Variants in ERC2 observed in about 807,000 individuals in gnomAD.
ERC2 encodes the protein ELKS/RAB6-interacting/CAST family member 2.
Under a neutral mutation model 114.8 loss-of-function variants are expected in ERC2, and 42 were observed. The observed-to-expected ratio is 0.37, with a 90% CI of 0.29 to 0.47. The LOEUF is 0.47. ERC2 is among the 20% of genes least tolerant of loss of function. ERC2 has a pLI of 0.99. For missense variants in ERC2, 939 were observed against 1,150.7 expected, an observed-to-expected ratio of 0.82 and a Z score of 2.66; for synonymous variants, 454 against 425.5, an observed-to-expected ratio of 1.07 and a Z score of -0.82.
intron 14 of ERC2, among the ~76,000 whole-genome samples, chr3:55,853,781 T>C (rs1161723842): frequency 3.9e-5 from 6 of 152,262 alleles, no homozygotes; most frequent in South Asian, 2.1e-4. Flanking sequence ...GCAGTTATTA[T>C]AGAATGAGTG....
rs539339487 is a variant in ERC2, at chr3:56,148,088, T to TCAGA, written c.1305+885_1305+888dup. Among the ~76,000 whole-genome samples, 14 of 152,228 alleles carry TCAGA rather than the reference T, an allele frequency of 9.2e-5. No individual in the cohort carries two copies. The South Asian group carries it at 2.9e-3, about 32-fold the overall frequency. On this transcript the variant is annotated intron_variant, in intron 5 of 17. Coordinates refer to ENST00000288221, the MANE Select transcript of ERC2 (RefSeq NM_015576.3). Reference sequence around the variant, plus strand: ...TGCCTGCCATTCAATGGATACTTAATCAGACAAGGGACTAAGGGCTTTAAA... The same window carrying TCAGA: ...TGCCTGCCATTCAATGGATACTTAATCAGACAGACAAGGGACTAAGGGCTTTAAA...
intron 2 of ERC2, among the ~76,000 whole-genome samples, chr3:56,380,771 T>C (rs1260657348): frequency 6.6e-6 from 1 of 152,224 alleles, no homozygotes; most frequent in Non-Finnish European, 1.5e-5. Flanking sequence ...TGCTACAAGT[T>C]GTAAATTTGT....
intron 9 of ERC2, among the ~76,000 whole-genome samples, chr3:56,008,312 C>T (rs372929420): frequency 1.4e-4 from 22 of 152,246 alleles, no homozygotes; most frequent in African/African-American, 5.3e-4. Context: ...TTCTAAAGCC[C>T]TCTGGGGAAC....
At chr3:56,148,901 T>G in intron 5 of ERC2, 76 bp downstream of exon 5, 2 of 1,346,832 alleles carry the variant, frequency 1.5e-6, no homozygotes, top group Non-Finnish European at 2.1e-6. Context: ...TATGGAGTAT[T>G]TGGAAAAAGT....
chr3:56,258,973 T>C (rs567118593), intron 3 of ERC2, among the ~76,000 whole-genome samples: 301 of 98,396 alleles, frequency 3.1e-3, no homozygotes, highest in African/African-American at 9.2e-3. Context: ...AATTAATTAA[T>C]TAATTTTTTT....
chr3:56,306,539 G>T (rs931018823), intron 2 of ERC2, among the ~76,000 whole-genome samples: 15 of 152,148 alleles, frequency 9.9e-5, no homozygotes, highest in African/African-American at 3.4e-4. Flanking sequence ...AGGTTCAAGG[G>T]CATGATTATC....
At chr3:55,551,384 G>A (rs1319156194) in intron 17 of ERC2, among the ~76,000 whole-genome samples, 3 of 152,058 alleles carry the variant, frequency 2.0e-5, no homozygotes, top group African/African-American at 4.8e-5. Context: ...CTAGCCAGGC[G>A]TGGTTGTGGG....
At chr3:56,072,891 A>AC (rs987644768) in intron 7 of ERC2, among the ~76,000 whole-genome samples, 17 of 151,972 alleles carry the variant, frequency 1.1e-4, no homozygotes, top group Non-Finnish European at 2.2e-4. Flanking sequence ...CCTGACTAGC[A>AC]CCCCCCTAAC....
At chr3:56,238,901 A>AT (rs985312512) in intron 3 of ERC2, among the ~76,000 whole-genome samples, 6 of 152,342 alleles carry the variant, frequency 3.9e-5, no homozygotes, top group African/African-American at 1.4e-4. Flanking sequence ...TTCCAGAGTT[A>AT]TTTCAAGAAG....
At chr3:56,198,562 T>C (rs1489421614) in intron 3 of ERC2, among the ~76,000 whole-genome samples, 4 of 152,108 alleles carry the variant, frequency 2.6e-5, no homozygotes, top group Admixed American at 6.5e-5. Flanking sequence ...GGGTGACTGA[T>C]TTGGAGATAG....
At chr3:55,553,004 C>T (rs2055325313) in intron 17 of ERC2, among the ~76,000 whole-genome samples, 1 of 89,818 alleles carries the variant, frequency 1.1e-5, no homozygotes, top group Admixed American at 1.1e-4. Context: ...TATTGTGGGG[C>T]TTCCAGATTT....
At chr3:55,575,950 G>A (rs1199837841) in intron 17 of ERC2, among the ~76,000 whole-genome samples, 1 of 152,176 alleles carries the variant, frequency 6.6e-6, no homozygotes, top group African/African-American at 2.4e-5. Flanking sequence ...AACTCAGAGA[G>A]GCTGCTCAGT....
At chr3:56,087,374 A>G (rs1047426928) in intron 6 of ERC2, among the ~76,000 whole-genome samples, 3 of 152,150 alleles carry the variant, frequency 2.0e-5, no homozygotes, top group Non-Finnish European at 4.4e-5. Flanking sequence ...AGCATTATTA[A>G]TCTTCATGTC....
At chr3:56,122,882 G>A (rs191108552) in intron 6 of ERC2, among the ~76,000 whole-genome samples, 1 of 152,142 alleles carries the variant, frequency 6.6e-6, no homozygotes, top group Admixed American at 6.5e-5. Flanking sequence ...CTGTCTCGTC[G>A]CTTCTGCTAA....
intron 14 of ERC2, among the ~76,000 whole-genome samples, chr3:55,884,112 C>T (rs2063251344): frequency 6.6e-6 from 1 of 152,130 alleles, no homozygotes; most frequent in Admixed American, 6.5e-5. Flanking sequence ...ATATTTCTTG[C>T]AGCAGCCTGA....
chr3:55,562,256 G>A (rs917318508), intron 17 of ERC2, among the ~76,000 whole-genome samples: 9 of 151,906 alleles, frequency 5.9e-5, no homozygotes, highest in East Asian at 1.9e-4. Context: ...GGGTTCAAGC[G>A]ATTCTCTTGC....
chr3:55,842,131 T>A (rs778947046), intron 14 of ERC2, among the ~76,000 whole-genome samples: 1 of 152,174 alleles, frequency 6.6e-6, no homozygotes, highest in African/African-American at 2.4e-5. Flanking sequence ...TGGAGGAATT[T>A]GAAGCTCAGA....
chr3:55,605,240 T>G (rs2058593108), intron 17 of ERC2, among the ~76,000 whole-genome samples: 1 of 152,062 alleles, frequency 6.6e-6, no homozygotes, highest in Non-Finnish European at 1.5e-5. Flanking sequence ...CTCAGCCTCC[T>G]AATTAGCTGG....
chr3:56,462,454 T>C (rs1239443580), intron 1 of ERC2, among the ~76,000 whole-genome samples: 2 of 152,180 alleles, frequency 1.3e-5, no homozygotes, highest in African/African-American at 2.4e-5. Flanking sequence ...TCCCAACCTC[T>C]GGTCTCTGTC....
Sources: gnomAD v4.1 joint callset for allele counts (sites outside exome capture counted in the v4.1 genomes callset) on GRCh38, gnomAD v4.1.1 for gene constraint, MANE v1.5 for transcripts, NCBI Gene and HGNC (gene_info 2026-07-23, HGNC 2026-07-21) for gene names.